Variants in CDH13 observed in about 807,000 individuals in gnomAD.
CDH13 encodes cadherin 13, also known as cadherin-13.
In CDH13, 24 loss-of-function variants were observed where a neutral mutation model predicts 63.8. The observed-to-expected ratio is 0.38, with a 90% CI of 0.27 to 0.53. The LOEUF is 0.53. Among genes scored for constraint, CDH13 ranks in the 20% least tolerant of loss-of-function variants. The pLI is 0.85. For missense variants in CDH13, 1,049 were observed against 903.1 expected (o/e 1.16, Z -2.07); for synonymous variants, 503 against 355.3 (o/e 1.42, Z -4.67).
At chr16:83,448,141 G>A (rs1157577404) in intron 6 of CDH13, among the ~76,000 whole-genome samples, 1 of 152,118 alleles carries the variant, frequency 6.6e-6, no homozygotes, top group Non-Finnish European at 1.5e-5. Context: ...CTTTGTGTAG[G>A]TGATAGTGGA....
At chr16:82,912,403 T>C (rs1184558676) in intron 2 of CDH13, among the ~76,000 whole-genome samples, 1 of 152,154 alleles carries the variant, frequency 6.6e-6, no homozygotes, top group African/African-American at 2.4e-5. Context: ...AGAGTTCAGA[T>C]AATCATGACA....
At chr16:83,163,691 G>T (rs2037544189) in intron 4 of CDH13, among the ~76,000 whole-genome samples, 1 of 152,056 alleles carries the variant, frequency 6.6e-6, no homozygotes, top group Admixed American at 6.6e-5. Flanking sequence ...TTGATATGGT[G>T]CCAGCTGCAA....
At chr16:83,469,797 G>T (rs553545959) in intron 6 of CDH13, among the ~76,000 whole-genome samples, 1 of 152,110 alleles carries the variant, frequency 6.6e-6, no homozygotes, top group Non-Finnish European at 1.5e-5. Context: ...TCTTTCCTGC[G>T]GTGGGGGATG....
chr16:83,486,997 G>A (rs1412722341), intron 7 of CDH13, among the ~76,000 whole-genome samples: 1 of 152,164 alleles, frequency 6.6e-6, no homozygotes, highest in Non-Finnish European at 1.5e-5. Flanking sequence ...ACAAGGGAAG[G>A]AGGGGAAGGG....
chr16:83,774,467 G>A (rs1914970924), intron 11 of CDH13, among the ~76,000 whole-genome samples: 1 of 152,094 alleles, frequency 6.6e-6, no homozygotes, highest in African/African-American at 2.4e-5. Context: ...CTGCCTCTTG[G>A]GTTCAAGCGA....
At chr16:83,073,866 C>T (rs2032629542) in intron 3 of CDH13, among the ~76,000 whole-genome samples, 1 of 151,972 alleles carries the variant, frequency 6.6e-6, no homozygotes. Flanking sequence ...TTTATTGACA[C>T]ATAATATTTT....
chr16:83,398,715 A>G (rs1342873898), intron 6 of CDH13, among the ~76,000 whole-genome samples: 1 of 152,216 alleles, frequency 6.6e-6, no homozygotes, highest in African/African-American at 2.4e-5. Flanking sequence ...AGAGGTTGGA[A>G]TATGAGAGCT....
intron 1 of CDH13, among the ~76,000 whole-genome samples, chr16:82,694,583 C>T (rs1297468294): frequency 1.3e-5 from 2 of 152,178 alleles, no homozygotes; most frequent in African/African-American, 4.8e-5. Flanking sequence ...CATTCCCAAT[C>T]ATCTTCTAAA....
intron 7 of CDH13, among the ~76,000 whole-genome samples, chr16:83,533,454 A>G (rs988639909): frequency 1.8e-4 from 28 of 152,184 alleles, no homozygotes; most frequent in African/African-American, 6.7e-4. Flanking sequence ...AAGCCGACAG[A>G]CAGGAAGTCG....
chr16:83,553,277 T>C (rs2150674265), intron 7 of CDH13, among the ~76,000 whole-genome samples: 1 of 152,310 alleles, frequency 6.6e-6, no homozygotes, highest in East Asian at 1.9e-4. Context: ...ACTGTTTTTA[T>C]ATGAAGGATT....
intron 10 of CDH13, among the ~76,000 whole-genome samples, chr16:83,686,694 GA>G (rs1904336515): frequency 6.6e-6 from 1 of 152,056 alleles, no homozygotes; most frequent in Non-Finnish European, 1.5e-5. Context: ...CATGTGATAG[GA>G]AAAAAATGTA....
At chr16:82,762,638 A>G (rs1046915553) in intron 1 of CDH13, among the ~76,000 whole-genome samples, 4 of 152,158 alleles carry the variant, frequency 2.6e-5, no homozygotes, top group African/African-American at 9.7e-5. Context: ...CACTGCTTCC[A>G]TGACTGTTTA....
At chr16:82,878,517 C>T (rs2040582746) in intron 2 of CDH13, among the ~76,000 whole-genome samples, 1 of 94,020 alleles carries the variant, frequency 1.1e-5, no homozygotes, top group Non-Finnish European at 2.1e-5. Context: ...AGAATTCCCT[C>T]TCTAAACACA....
intron 1 of CDH13, among the ~76,000 whole-genome samples, chr16:82,640,299 A>G (rs1454397860): frequency 2.6e-5 from 4 of 152,176 alleles, no homozygotes; most frequent in Non-Finnish European, 5.9e-5. Context: ...TAATACATAC[A>G]TGGCATTTTT....
intron 1 of CDH13, among the ~76,000 whole-genome samples, chr16:82,736,115 G>A (rs1032738513): frequency 6.6e-6 from 1 of 152,186 alleles, no homozygotes; most frequent in Non-Finnish European, 1.5e-5. Context: ...AGTAAGCTGC[G>A]CTGAGGTTTT....
intron 6 of CDH13, among the ~76,000 whole-genome samples, chr16:83,367,654 AT>A (rs1215200944): frequency 6.6e-6 from 1 of 152,162 alleles, no homozygotes; most frequent in Non-Finnish European, 1.5e-5. Flanking sequence ...TTACCAACAC[AT>A]TATTATTGGT....
intron 3 of CDH13, among the ~76,000 whole-genome samples, chr16:83,045,374 C>G (rs147108020): frequency 9.9e-5 from 15 of 152,166 alleles, no homozygotes; most frequent in South Asian, 2.1e-4. Context: ...GGCGATGGCT[C>G]AAACCTGTAA....
At chr16:82,665,098 A>T (rs1035075855) in intron 1 of CDH13, among the ~76,000 whole-genome samples, 1 of 152,192 alleles carries the variant, frequency 6.6e-6, no homozygotes, top group Admixed American at 6.5e-5. Flanking sequence ...GGTGCATTCA[A>T]ACTAGGTGAG....
intron 3 of CDH13, among the ~76,000 whole-genome samples, chr16:83,094,371 A>T (rs564208933): frequency 1.4e-4 from 22 of 152,342 alleles, no homozygotes; most frequent in African/African-American, 5.3e-4. Context: ...CGCCTGAAAG[A>T]TGCAAGGTTG....
Sources: gnomAD v4.1 joint callset for allele counts (sites outside exome capture counted in the v4.1 genomes callset) on GRCh38, gnomAD v4.1.1 for gene constraint, MANE v1.5 for transcripts, NCBI Gene and HGNC (gene_info 2026-07-23, HGNC 2026-07-21) for gene names.